Variants in CDH22 observed in about 807,000 individuals in gnomAD.
CDH22 encodes cadherin 22.
CDH22 carries 30 observed loss-of-function variants against 58.4 expected under a neutral mutation model. The observed-to-expected ratio is 0.51, with a 90% confidence interval of 0.38 to 0.70. The LOEUF is 0.70. CDH22 is among the 30% of genes least tolerant of loss of function. CDH22 has a pLI of 0.00. For synonymous variants in CDH22, 513 were observed against 558.2 expected, an observed-to-expected ratio of 0.92 and a Z score of 1.14; for missense variants, 1,014 against 1,233.9, an observed-to-expected ratio of 0.82 and a Z score of 2.67.
chr20:46,203,431 C>A (rs1285163342), intron 7 of CDH22, among the ~76,000 whole-genome samples: 3 of 151,996 alleles, frequency 2.0e-5, no homozygotes. Flanking sequence ...TTTTGTGTGG[C>A]GTGAATATGT....
In CDH22 at chr20:46,256,485, A is replaced by C. The variant is rs560974904; in HGVS notation, c.-399-4792T>G. ...TCAAGCTGAGGCAACAGCAGGTGCA[A>C]AGTCCCTGAGGTCAGCAGCATGTGT... On this transcript the variant is annotated intron_variant, in intron 1 of 11. Transcript: ENST00000537909. Among the ~76,000 whole-genome samples, 7 of 152,302 alleles carry C rather than the reference A, an allele frequency of 4.6e-5. No individual in the cohort carries two copies. In the East Asian group the frequency reaches 1.2e-3, roughly 25 times the overall value.
At chr20:46,231,199 C>A (rs35285201) in intron 3 of CDH22, among the ~76,000 whole-genome samples, 60 of 152,274 alleles carry the variant, frequency 3.9e-4, no homozygotes, top group Non-Finnish European at 7.6e-4. Context: ...TAGGTCCAGG[C>A]TGGAATGGGA....
chr20:46,197,688 C>A (rs566225032), intron 8 of CDH22, among the ~76,000 whole-genome samples: 1 of 152,358 alleles, frequency 6.6e-6, no homozygotes, highest in East Asian at 1.9e-4. Flanking sequence ...ACCACTTCCT[C>A]TCCAGCCACC....
At chr20:46,223,111 G>C (rs938025615) in intron 4 of CDH22, among the ~76,000 whole-genome samples, 2 of 152,162 alleles carry the variant, frequency 1.3e-5, no homozygotes, top group African/African-American at 4.8e-5. Flanking sequence ...TCTGGAGCAG[G>C]GACCCCATTT....
At chr20:46,187,408 T>C (rs6032710) in intron 8 of CDH22, among the ~76,000 whole-genome samples, 4,588 of 151,950 alleles carry the variant, frequency 0.03, 218 homozygotes, top group African/African-American at 0.11. Flanking sequence ...ACCATCCTTA[T>C]ACTGTTACCA....
chr20:46,265,194 T>C (rs1190363528), intron 1 of CDH22, among the ~76,000 whole-genome samples: 2 of 152,152 alleles, frequency 1.3e-5, no homozygotes, highest in Non-Finnish European at 2.9e-5. Context: ...GTGTCAATAT[T>C]TATTCCATTT....
chr20:46,229,151 T>C (rs1407288320), intron 3 of CDH22, among the ~76,000 whole-genome samples: 2 of 152,140 alleles, frequency 1.3e-5, no homozygotes, highest in Non-Finnish European at 2.9e-5. Context: ...AGGGGTCTCC[T>C]ACTCAGGGAG....
At position 46,174,256 on chromosome 20, in the gene CDH22, C is replaced by T; in HGVS notation, c.*250G>A. ...CCATCTCCCATTCTAACCCCAGAGC[C>T]ACACCGTGCCCGGTCTCGCCTCAGT... On this transcript the variant is annotated 3_prime_UTR_variant, in exon 12 of 12. Coordinates refer to ENST00000537909, the MANE Select transcript of CDH22 (RefSeq NM_021248.3). The surrounding 1 kb of genome is among the most constrained non-coding windows in gnomAD (Gnocchi z 4.4). 2 of 485,094 alleles carry T rather than the reference C, an allele frequency of 4.1e-6. No individual in the cohort carries two copies. Among genetic ancestry groups the T allele is most frequent in the Non-Finnish European group, 7.2e-6 (2 of 278,946 alleles). 30.0% of individuals were successfully genotyped at this position (485,094 alleles called of 1,614,324 possible).
At chr20:46,246,758 C>A (rs555745954) in intron 2 of CDH22, among the ~76,000 whole-genome samples, 2 of 152,058 alleles carry the variant, frequency 1.3e-5, no homozygotes, top group Admixed American at 6.5e-5. Flanking sequence ...GTTCACTCTG[C>A]GGATGGTGCT....
intron 3 of CDH22, among the ~76,000 whole-genome samples, chr20:46,238,818 C>T (rs1176484173): frequency 6.6e-6 from 1 of 152,254 alleles, no homozygotes; most frequent in East Asian, 1.9e-4. Flanking sequence ...TGCTTCTGCT[C>T]TTGCCCTCTT....
chr20:46,216,952 G>A lies in CDH22; in HGVS notation c.712C>T (p.Gln238Ter). ...TAVPDLDRES[Q>*]ERYEVVIQAT... ...TGGATCACCACCTCGTAGCGCTCCTGGCTCTCGCGGTCAAGGTCAGGCACA... is the reference window on the plus strand; with the variant it reads ...TGGATCACCACCTCGTAGCGCTCCTAGCTCTCGCGGTCAAGGTCAGGCACA... Residue 238 changes from glutamine to a stop codon, truncating the protein, a stop_gained, in exon 5 of 12, where the codon CAG becomes TAG. Coordinates refer to ENST00000537909, the MANE Select transcript of CDH22 (RefSeq NM_021248.3). LOFTEE classifies it high-confidence loss of function. This position sits in a 1 kb window ranked among gnomAD's most constrained non-coding sequence, Gnocchi z 5.3. 1.9e-6 allele frequency: 3 copies of A among 1,605,792 alleles called. No homozygotes were observed. The highest frequency in any genetic ancestry group is 2.6e-6 in the Non-Finnish European group (3 of 1,173,630).
intron 3 of CDH22, among the ~76,000 whole-genome samples, chr20:46,240,531 G>A (rs1469794052): frequency 3.9e-5 from 6 of 152,132 alleles, no homozygotes; most frequent in Non-Finnish European, 8.8e-5. Context: ...CAGCTGTGCT[G>A]TGTGTGTGAC....
intron 3 of CDH22, among the ~76,000 whole-genome samples, chr20:46,238,088 A>C (rs2145723534): frequency 6.6e-6 from 1 of 152,138 alleles, no homozygotes; most frequent in South Asian, 2.1e-4. Flanking sequence ...AGCAGAGGGA[A>C]TTTTCCAAAA....
At chr20:46,208,427 C>A (rs1185557243) in intron 7 of CDH22, among the ~76,000 whole-genome samples, 1 of 152,122 alleles carries the variant, frequency 6.6e-6, no homozygotes, top group African/African-American at 2.4e-5. Flanking sequence ...TCCAAGGTGC[C>A]CTTCTGTTTC....
At chr20:46,303,721 G>A (rs1334313505) in intron 1 of CDH22, among the ~76,000 whole-genome samples, 2 of 152,132 alleles carry the variant, frequency 1.3e-5, no homozygotes, top group African/African-American at 4.8e-5. Context: ...ATGCAGGAGT[G>A]TCAGATTGGA....
intron 7 of CDH22, among the ~76,000 whole-genome samples, chr20:46,207,575 C>A (rs2086010358): frequency 6.6e-6 from 1 of 152,224 alleles, no homozygotes; most frequent in South Asian, 2.1e-4. Flanking sequence ...GAGGCAGTGA[C>A]AGGATGGCAT....
In CDH22 at chr20:46,305,668, T is replaced by C. The variant is rs537013537; in HGVS notation, c.-400+2587A>G. On this transcript the variant is annotated intron_variant, in intron 1 of 11. Coordinates refer to ENST00000537909, the MANE Select transcript of CDH22 (RefSeq NM_021248.3). ...ACTCTACCTGAGGCTGCATTTCAGA[T>C]TGGAGCTTCCTGATGGAAGAAAAAG... 4.6e-5 allele frequency among the ~76,000 whole-genome samples: 7 copies of C among 152,272 alleles called. No homozygotes were observed. The East Asian group carries it at 1.2e-3, about 25-fold the overall frequency.
At chr20:46,304,189 C>T (rs1453239540) in intron 1 of CDH22, among the ~76,000 whole-genome samples, 2 of 152,112 alleles carry the variant, frequency 1.3e-5, no homozygotes, top group Non-Finnish European at 2.9e-5. Flanking sequence ...AACTCAATTC[C>T]CCTCCTGCAG....
intron 11 of CDH22, among the ~76,000 whole-genome samples, chr20:46,175,768 G>A (rs1405639019): frequency 6.6e-6 from 1 of 152,170 alleles, no homozygotes; most frequent in Non-Finnish European, 1.5e-5. Flanking sequence ...TGGCAGTGGA[G>A]GGGAATCTGT....
Sources: allele counts gnomAD v4.1 joint callset (sites outside exome capture counted in the v4.1 genomes callset), GRCh38; gene constraint gnomAD v4.1.1; non-coding constraint Gnocchi (gnomAD v3.1); transcripts MANE v1.5; gene names NCBI Gene and HGNC (gene_info 2026-07-23, HGNC 2026-07-21).